Variants in SLC38A9 observed in about 807,000 individuals in gnomAD.
SLC38A9 encodes neutral amino acid transporter 9.
Under a neutral mutation model 62.3 loss-of-function variants are expected in SLC38A9, and 48 were observed. The ratio of observed to expected loss-of-function variants is 0.77; its 90% CI spans 0.61 to 0.98. The LOEUF is 0.98. Ranked by LOEUF, SLC38A9 falls within the 50% of genes least tolerant of loss-of-function variation. The pLI is 0.00. For synonymous variants in SLC38A9, 204 were observed against 227.7 expected, an observed-to-expected ratio of 0.90 and a Z score of 0.94; for missense variants, 541 against 679.8, an observed-to-expected ratio of 0.80 and a Z score of 2.27.
chr5:55,645,436 G>A (rs535359383), intron 12 of SLC38A9, among the ~76,000 whole-genome samples: 3 of 152,270 alleles, frequency 2.0e-5, no homozygotes, highest in Admixed American at 1.3e-4. Context: ...GGCAGGCACT[G>A]GCAAACTATG....
At chr5:55,693,735 A>C (rs1362390793) in intron 3 of SLC38A9, among the ~76,000 whole-genome samples, 1 of 152,170 alleles carries the variant, frequency 6.6e-6, no homozygotes, top group Non-Finnish European at 1.5e-5. Flanking sequence ...ACTTCTAATT[A>C]AGGATGAATC....
At chr5:55,698,884 C>T (rs556297993) in intron 2 of SLC38A9, among the ~76,000 whole-genome samples, 12 of 152,206 alleles carry the variant, frequency 7.9e-5, no homozygotes, top group African/African-American at 2.9e-4. Flanking sequence ...CTACAGTGAG[C>T]TATGATTGCG....
At chr5:55,630,058 C>T (rs547998898) in intron 14 of SLC38A9, among the ~76,000 whole-genome samples, 33 of 152,302 alleles carry the variant, frequency 2.2e-4, no homozygotes, top group African/African-American at 7.7e-4. Context: ...TCAGATTCCA[C>T]GATGCAACTC....
At chr5:55,671,399 G>A (rs1751294872) in intron 4 of SLC38A9, among the ~76,000 whole-genome samples, 2 of 151,656 alleles carry the variant, frequency 1.3e-5, no homozygotes, top group South Asian at 4.2e-4. Context: ...CAAAGTCTAA[G>A]ACATTTAGTA....
At chr5:55,631,378 A>G (rs1743419513) in intron 14 of SLC38A9, among the ~76,000 whole-genome samples, 1 of 152,302 alleles carries the variant, frequency 6.6e-6, no homozygotes, top group East Asian at 1.9e-4. Context: ...ACAAAAGGGA[A>G]ATCTCTGACT....
At chr5:55,633,927 C>T (rs771516164) in intron 13 of SLC38A9, 25 bp from the exon 14 acceptor site, 2 of 1,557,380 alleles carry the variant, frequency 1.3e-6, no homozygotes, top group Non-Finnish European at 1.8e-6. Flanking sequence ...ATAATGAGGT[C>T]ATGTTAAAAA....
intron 3 of SLC38A9, among the ~76,000 whole-genome samples, chr5:55,695,047 G>C (rs114113122): frequency 6.6e-6 from 1 of 152,086 alleles, no homozygotes; most frequent in African/African-American, 2.4e-5. Flanking sequence ...GCCACCGTGC[G>C]TGGCCCAAGA....
chr5:55,644,986 C>A (rs188566312), intron 12 of SLC38A9, among the ~76,000 whole-genome samples: 14 of 151,890 alleles, frequency 9.2e-5, no homozygotes, highest in African/African-American at 3.4e-4. Context: ...TTTGTCCTTG[C>A]GATAGTTTAC....
chr5:55,668,863 T>A (rs1210822049), intron 7 of SLC38A9, among the ~76,000 whole-genome samples: 2 of 152,230 alleles, frequency 1.3e-5, no homozygotes, highest in African/African-American at 4.8e-5. Context: ...ATTCTAACAT[T>A]TAGATCTTTT....
chr5:55,654,206 A>G (rs777386419), intron 9 of SLC38A9, among the ~76,000 whole-genome samples: 13 of 152,250 alleles, frequency 8.5e-5, no homozygotes, highest in Non-Finnish European at 1.5e-4. Flanking sequence ...ATTATTTGGC[A>G]TGCCACAAAG....
In SLC38A9 at chr5:55,669,334, A is replaced by C. The variant is rs1750923537; in HGVS notation, c.433-13T>G. On this transcript the variant is annotated splice_polypyrimidine_tract_variant and intron_variant, in intron 6 of 15. Transcript: ENST00000396865. ...TAGTAAATCCAGCCTGTTTAAAAAT[A>C]AAAGTATAAAACAGCATATATCATC... is the stretch of plus-strand genomic sequence containing the variant. The C allele has an allele frequency of 1.3e-6, 2 of 1,597,334 alleles. No individual in the cohort carries two copies. The highest frequency in any genetic ancestry group is 8.6e-7 in the Non-Finnish European group (1 of 1,168,074).
At chr5:55,678,835 A>AT (rs1561398395) in intron 3 of SLC38A9, among the ~76,000 whole-genome samples, 1 of 150,906 alleles carries the variant, frequency 6.6e-6, no homozygotes, top group Non-Finnish European at 1.5e-5. Context: ...AATTTTTTTA[A>AT]TTTTTTGTAG....
At chr5:55,691,299 G>A (rs1754704662) in intron 3 of SLC38A9, 3 of 1,510,816 alleles carry the variant, frequency 2.0e-6, no homozygotes, top group Non-Finnish European at 2.7e-6. Flanking sequence ...AGCCCTGGAG[G>A]GAATAGGACA....
rs1379302812 is a variant in SLC38A9, at chr5:55,626,089, A to T, written c.*405T>A. On this transcript the variant is annotated 3_prime_UTR_variant, in exon 16 of 16. Transcript: ENST00000396865. ...AATGGTCTAGTAAGTAAGAAAATGAAAGTGAATACACTGAAACATAAAACA... is the reference window on the plus strand; with the variant it reads ...AATGGTCTAGTAAGTAAGAAAATGATAGTGAATACACTGAAACATAAAACA... 1 of 157,548 alleles carries T rather than the reference A, an allele frequency of 6.3e-6. No homozygotes were observed. Among genetic ancestry groups the T allele is most frequent in the Non-Finnish European group, 1.4e-5 (1 of 71,160 alleles). The allele number at this position is 157,548 out of a possible 1,614,324, so 9.8% of individuals were successfully genotyped here.
intron 12 of SLC38A9, among the ~76,000 whole-genome samples, chr5:55,639,556 T>A (rs1580109898): frequency 6.6e-6 from 1 of 152,216 alleles, no homozygotes; most frequent in Non-Finnish European, 1.5e-5. Flanking sequence ...GTATCCACAT[T>A]ATGAATTCAG....
chr5:55,676,864 T>C (rs1336523089), intron 3 of SLC38A9, among the ~76,000 whole-genome samples: 4 of 150,318 alleles, frequency 2.7e-5, no homozygotes, highest in Non-Finnish European at 4.4e-5. Flanking sequence ...AAAAAAAACA[T>C]GTTACACAAA....
intron 2 of SLC38A9, among the ~76,000 whole-genome samples, chr5:55,709,721 A>C (rs1757752147): frequency 6.6e-6 from 1 of 152,326 alleles, no homozygotes; most frequent in South Asian, 2.1e-4. Flanking sequence ...AAAGCATATT[A>C]TTTTATGTAT....
At chr5:55,693,079 A>G in intron 3 of SLC38A9, 5 of 834,416 alleles carry the variant, frequency 6.0e-6, no homozygotes, top group Non-Finnish European at 7.2e-6. Flanking sequence ...GTGACTCAAA[A>G]AAATAAGGAT....
chr5:55,637,482 G>T (rs1181429220), intron 12 of SLC38A9, among the ~76,000 whole-genome samples: 1 of 152,186 alleles, frequency 6.6e-6, no homozygotes, highest in East Asian at 1.9e-4. Flanking sequence ...GAAATAAAAT[G>T]TCCCTTGACA....
Sources: gnomAD v4.1 joint callset for allele counts (sites outside exome capture counted in the v4.1 genomes callset) on GRCh38, gnomAD v4.1.1 for gene constraint, MANE v1.5 for transcripts, NCBI Gene and HGNC (gene_info 2026-07-23, HGNC 2026-07-21) for gene names.